The following MYOM1 variants were observed in gnomAD, a reference collection of about 807,000 sequenced individuals.
MYOM1 encodes myomesin-1.
In MYOM1, 164 loss-of-function variants were observed where a neutral mutation model predicts 205.3. That is an observed-to-expected ratio of 0.80 (90% CI 0.70 to 0.91). MYOM1 has a LOEUF of 0.91. MYOM1 is among the 40% of genes least tolerant of loss of function. The pLI, the probability that MYOM1 is intolerant of heterozygous loss-of-function variation, is 0.00. For missense variants in MYOM1, 2,011 were observed against 2,127.3 expected (o/e 0.95, Z 1.08); for synonymous variants, 772 against 789.4 (o/e 0.98, Z 0.37).
chr18:3,068,352 A>G (rs2078921999), intron 37 of MYOM1, among the ~76,000 whole-genome samples: 1 of 152,096 alleles, frequency 6.6e-6, no homozygotes, highest in South Asian at 2.1e-4. Flanking sequence ...TTACAAAACT[A>G]TAGTAGAATG....
intron 13 of MYOM1, among the ~76,000 whole-genome samples, chr18:3,147,492 T>C (rs1485723755): frequency 2.0e-5 from 3 of 151,966 alleles, no homozygotes; most frequent in African/African-American, 7.3e-5. Flanking sequence ...AAAATTTTTA[T>C]AGAAATGTAA....
At chr18:3,188,363 T>C (rs2080851226) in intron 4 of MYOM1, among the ~76,000 whole-genome samples, 1 of 151,900 alleles carries the variant, frequency 6.6e-6, no homozygotes, top group Non-Finnish European at 1.5e-5. Flanking sequence ...ACACCTATAA[T>C]CCCAACATTT....
At chr18:3,196,227 A>C (rs571807162) in intron 2 of MYOM1, among the ~76,000 whole-genome samples, 2 of 152,360 alleles carry the variant, frequency 1.3e-5, no homozygotes, top group South Asian at 4.1e-4. Flanking sequence ...AATTATCTTA[A>C]GAAAAACCAT....
chr18:3,114,311 G>A (rs2079570834), intron 21 of MYOM1, among the ~76,000 whole-genome samples: 1 of 152,104 alleles, frequency 6.6e-6, no homozygotes. Flanking sequence ...TCACCACAGG[G>A]GCAATGACCA....
intron 34 of MYOM1, among the ~76,000 whole-genome samples, chr18:3,078,258 T>C (rs1264025577): frequency 6.6e-6 from 1 of 152,040 alleles, no homozygotes; most frequent in Non-Finnish European, 1.5e-5. Context: ...GCCAGGCTGG[T>C]GTCGAACTCC....
the MYOM1 span, among the ~76,000 whole-genome samples, chr18:3,227,429 G>A: frequency 1.3e-5 from 2 of 152,150 alleles, no homozygotes; most frequent in African/African-American, 2.4e-5. Context: ...AGTTTATAGA[G>A]AAAGCAGAAC....
At chr18:3,232,212 C>T in the MYOM1 span, among the ~76,000 whole-genome samples, 1 of 151,892 alleles carries the variant, frequency 6.6e-6, no homozygotes, top group Middle Eastern at 3.4e-3. Flanking sequence ...CTCCTGTAAT[C>T]CCAGCTACTC....
chr18:3,172,459 T>C (rs1598741803), intron 8 of MYOM1, among the ~76,000 whole-genome samples: 2 of 151,894 alleles, frequency 1.3e-5, no homozygotes, highest in South Asian at 4.1e-4. Context: ...ACGTGATCAA[T>C]AGGCCACTCC....
chr18:3,161,477 T>C (rs1163831955), intron 10 of MYOM1, among the ~76,000 whole-genome samples: 1 of 152,146 alleles, frequency 6.6e-6, no homozygotes, highest in Non-Finnish European at 1.5e-5. Context: ...AAGTGTGCAC[T>C]AAGCAGAAGT....
At position 3,188,932 on chromosome 18, in the gene MYOM1, G is replaced by A. The variant is rs368159717; in HGVS notation, c.587C>T (p.Ser196Phe). The A allele has an allele frequency of 3.1e-6, 5 of 1,611,798 alleles. No homozygotes were observed. Among genetic ancestry groups the A allele is most frequent in the Non-Finnish European group, 4.2e-6 (5 of 1,179,078 alleles). The stretch of plus-strand genomic sequence containing the variant: ...TGCTGTGGACTGCTTGGATGCCGTG[G>A]ACTGCTTAGATGCCGTGGTCTGCTT... The part of the protein sequence containing the change: ...ASKQTTASKQ[S>F]TASKQSTASK... Residue 196 changes from serine to phenylalanine, a missense_variant, in exon 4 of 38, where the codon TCC becomes TTC. Coordinates refer to ENST00000356443, the MANE Select transcript of MYOM1 (RefSeq NM_003803.4).
chr18:3,078,333 T>C (rs956993565), intron 34 of MYOM1, among the ~76,000 whole-genome samples: 3 of 152,186 alleles, frequency 2.0e-5, no homozygotes, highest in African/African-American at 7.2e-5. Flanking sequence ...TGAGCCACCA[T>C]GCCCACCTGA....
the MYOM1 span, among the ~76,000 whole-genome samples, chr18:3,229,924 C>T: frequency 1.5e-5 from 2 of 137,038 alleles, no homozygotes; most frequent in South Asian, 2.3e-4. Context: ...TGCAGTGAGC[C>T]GAGATTGCGC....
At chr18:3,084,352 C>G (rs1598654817) in intron 31 of MYOM1, among the ~76,000 whole-genome samples, 3 of 151,994 alleles carry the variant, frequency 2.0e-5, no homozygotes, top group Non-Finnish European at 4.4e-5. Context: ...TCCCAGGAAG[C>G]CTTAGTTTAC....
rs540135910 is a variant in MYOM1 at position 3,095,867 on chromosome 18, C to T, written c.3728-1561G>A. Among the ~76,000 whole-genome samples, 20 of 152,244 alleles carry T rather than the reference C, an allele frequency of 1.3e-4. 1 individual carries two copies. In the South Asian group the frequency reaches 4.2e-3, roughly 32 times the overall value. The stretch of plus-strand genomic sequence containing the variant: ...AGCAAGGGCAGAGGCTAAGCTTCTC[C>T]CTTACAGGATGCTCATGCTTGCTAC... On this transcript the variant is annotated intron_variant, in intron 25 of 37. Coordinates refer to ENST00000356443, the MANE Select transcript of MYOM1 (RefSeq NM_003803.4).
chr18:3,177,529 T>C (rs1244219419), intron 5 of MYOM1, among the ~76,000 whole-genome samples: 2 of 151,488 alleles, frequency 1.3e-5, no homozygotes, highest in Non-Finnish European at 2.9e-5. Context: ...TGGAGTGCAA[T>C]GGCATCATCT....
At chr18:3,151,406 C>T (rs1294324836) in intron 12 of MYOM1, among the ~76,000 whole-genome samples, 3 of 149,768 alleles carry the variant, frequency 2.0e-5, no homozygotes, top group South Asian at 2.1e-4. Context: ...GCCTGGAACT[C>T]AGTTTAACAA....
At chr18:3,140,268 G>A (rs539623653) in intron 14 of MYOM1, among the ~76,000 whole-genome samples, 16 of 152,186 alleles carry the variant, frequency 1.1e-4, no homozygotes, top group African/African-American at 1.9e-4. Context: ...TTAGCCAGGC[G>A]TGGTGGCTCA....
intron 22 of MYOM1, among the ~76,000 whole-genome samples, chr18:3,107,770 C>T (rs1308768172): frequency 1.3e-5 from 2 of 152,144 alleles, no homozygotes; most frequent in Non-Finnish European, 2.9e-5. Context: ...TCCAAGCTGC[C>T]CTTGGTCATT....
At chr18:3,083,966 G>A in intron 32 of MYOM1, 23 bp downstream of exon 32, 1 of 1,586,426 alleles carries the variant, frequency 6.3e-7, no homozygotes, top group South Asian at 1.1e-5. Context: ...AAGCATTGTT[G>A]TGGTGCGAAA....
Sources: allele counts gnomAD v4.1 joint callset (sites outside exome capture counted in the v4.1 genomes callset), GRCh38; gene constraint gnomAD v4.1.1; transcripts MANE v1.5; gene names NCBI Gene and HGNC (gene_info 2026-07-23, HGNC 2026-07-21).